PDE10A: variants seen among roughly 807,000 people sequenced by gnomAD.
PDE10A encodes the protein phosphodiesterase 10A.
A neutral mutation model predicts 97.7 loss-of-function variants in PDE10A; 39 were observed. The ratio of observed to expected loss-of-function variants is 0.40; its 90% CI spans 0.31 to 0.52. PDE10A has a LOEUF of 0.52. PDE10A is among the 20% of genes least tolerant of loss of function. The pLI is 0.56. For synonymous variants in PDE10A, 371 were observed against 376.8 expected (o/e 0.98, Z 0.18); for missense variants, 731 against 1,047.8 (o/e 0.70, Z 4.17).
intron 1 of PDE10A, among the ~76,000 whole-genome samples, chr6:165,590,279 T>C (rs1196465046): frequency 3.3e-5 from 5 of 152,220 alleles, no homozygotes. Context: ...AGAATTAGTA[T>C]TATTCCCTCC....
intron 1 of PDE10A, among the ~76,000 whole-genome samples, chr6:165,826,805 G>A (rs1779771794): frequency 6.6e-6 from 1 of 151,900 alleles, no homozygotes; most frequent in African/African-American, 2.4e-5. Context: ...GGAGGCTGGG[G>A]GGCAGGGAGG....
intron 1 of PDE10A, among the ~76,000 whole-genome samples, chr6:165,917,246 C>T (rs1663358637): frequency 2.0e-5 from 3 of 152,174 alleles, no homozygotes; most frequent in South Asian, 4.1e-4. Context: ...GTGCCCGCAG[C>T]GGACATCTCT....
At chr6:165,900,499 A>C (rs994807608) in intron 1 of PDE10A, among the ~76,000 whole-genome samples, 1 of 152,062 alleles carries the variant, frequency 6.6e-6, no homozygotes, top group Non-Finnish European at 1.5e-5. Context: ...AAAATAAAAA[A>C]AAAAGACATC....
At chr6:165,746,957 T>TA (rs1444989997) in intron 1 of PDE10A, among the ~76,000 whole-genome samples, 1 of 152,228 alleles carries the variant, frequency 6.6e-6, no homozygotes, top group African/African-American at 2.4e-5. Context: ...AAGTGCTTCT[T>TA]AAAAAATACA....
chr6:165,826,172 C>T (rs1779737913), intron 1 of PDE10A, among the ~76,000 whole-genome samples: 2 of 152,150 alleles, frequency 1.3e-5, no homozygotes, highest in South Asian at 2.1e-4. Context: ...GACACAATGT[C>T]CTTGCCTTTT....
chr6:165,645,238 C>A (rs1221645541), intron 1 of PDE10A, among the ~76,000 whole-genome samples: 2 of 152,212 alleles, frequency 1.3e-5, no homozygotes, highest in Non-Finnish European at 2.9e-5. Flanking sequence ...CGGCTGCCTT[C>A]TGTCCTCCTG....
At chr6:165,747,045 T>G (rs925353674) in intron 1 of PDE10A, among the ~76,000 whole-genome samples, 2 of 152,222 alleles carry the variant, frequency 1.3e-5, no homozygotes, top group African/African-American at 4.8e-5. Flanking sequence ...TATATTCTTT[T>G]TTTCTGATGA....
At chr6:165,619,321 G>GTCTA (rs1787924585) in intron 1 of PDE10A, among the ~76,000 whole-genome samples, 4 of 40,894 alleles carry the variant, frequency 9.8e-5, no homozygotes, top group East Asian at 6.0e-4. Flanking sequence ...AGTCTAGTGT[G>GTCTA]GTGTAGTGTA....
chr6:165,939,057 C>T (rs1783429421), intron 1 of PDE10A, among the ~76,000 whole-genome samples: 1 of 152,186 alleles, frequency 6.6e-6, no homozygotes, highest in South Asian at 2.1e-4. Context: ...ATGCAGCCAG[C>T]ACAAAGAATT....
chr6:165,790,855 C>T lies in PDE10A; in HGVS notation c.-615+196674G>A, dbSNP rs192619325. ...TTTCCTAACGTTTTTATTTGATTGA[C>T]GAGAGTACTTAATGTGTGATCTACC... On this transcript the variant is annotated intron_variant, in intron 1 of 19. Transcript: ENST00000366882. Among the ~76,000 whole-genome samples, 315 of 152,006 alleles carry T rather than the reference C, an allele frequency of 2.1e-3. 2 individuals carry two copies. The highest frequency in any genetic ancestry group is 7.3e-3 in the African/African-American group (304 of 41,436).
rs139546952 is a variant in PDE10A, at chr6:165,603,682, C to T, written c.865+58265G>A. Among the ~76,000 whole-genome samples, 361 of 152,328 alleles carry T rather than the reference C, an allele frequency of 2.4e-3. 2 individuals are homozygous for T. Among genetic ancestry groups the T allele is most frequent in the African/African-American group, 8.4e-3 (348 of 41,572 alleles). ...GAGGGCCCATGCTCTGTGTCCTATG[C>T]GCAGAGCGACTTCACCACAGTCATG... On this transcript the variant is annotated intron_variant, in intron 1 of 21. Transcript: ENST00000539869.
chr6:165,401,039 A>C (rs1786621913), intron 13 of PDE10A, among the ~76,000 whole-genome samples: 2 of 152,190 alleles, frequency 1.3e-5, no homozygotes, highest in Non-Finnish European at 1.5e-5. Context: ...TGGTCACCTG[A>C]AGATGAGAAG....
chr6:165,378,641 A>G (rs1562400126), intron 18 of PDE10A, among the ~76,000 whole-genome samples: 1 of 152,232 alleles, frequency 6.6e-6, no homozygotes, highest in East Asian at 1.9e-4. Context: ...TAATTTATCT[A>G]ATCCTCCTTG....
chr6:165,872,708 T>C (rs974888057), intron 1 of PDE10A, among the ~76,000 whole-genome samples: 5 of 152,148 alleles, frequency 3.3e-5, no homozygotes, highest in Admixed American at 1.3e-4. Context: ...TTATTTCATA[T>C]GGAAGATTTC....
intron 12 of PDE10A, among the ~76,000 whole-genome samples, chr6:165,414,513 G>A (rs1788163703): frequency 6.6e-6 from 1 of 152,106 alleles, no homozygotes; most frequent in South Asian, 2.1e-4. Flanking sequence ...CCTTTTTATT[G>A]CTGAGTTATA....
intron 1 of PDE10A, among the ~76,000 whole-genome samples, chr6:165,556,471 G>C (rs1453296597): frequency 1.3e-5 from 2 of 152,224 alleles, no homozygotes; most frequent in African/African-American, 4.8e-5. Flanking sequence ...AATGGTTCTT[G>C]AGATGTGCTA....
At chr6:165,433,910 G>A (rs886476411) in intron 6 of PDE10A, among the ~76,000 whole-genome samples, 4 of 151,300 alleles carry the variant, frequency 2.6e-5, no homozygotes, top group East Asian at 2.0e-4. Context: ...CCAGCTATTC[G>A]GGAGCCTGAG....
intron 1 of PDE10A, among the ~76,000 whole-genome samples, chr6:165,749,529 AC>A (rs575702353): frequency 2.1e-3 from 108 of 50,998 alleles, no homozygotes; most frequent in African/African-American, 6.9e-3. Context: ...ATCATCTATG[AC>A]CTATTTCTAC....
At chr6:165,568,537 G>C (rs1260579428) in intron 1 of PDE10A, among the ~76,000 whole-genome samples, 1 of 152,162 alleles carries the variant, frequency 6.6e-6, no homozygotes, top group Non-Finnish European at 1.5e-5. Context: ...GCGTCTCCAT[G>C]CTGTAGACAC....
Sources: gnomAD v4.1 joint callset for allele counts (sites outside exome capture counted in the v4.1 genomes callset) on GRCh38, gnomAD v4.1.1 for gene constraint, MANE v1.5 for transcripts, NCBI Gene and HGNC (gene_info 2026-07-23, HGNC 2026-07-21) for gene names.